The following LPP variants were observed in gnomAD, a reference collection of about 807,000 sequenced individuals.
LPP encodes the protein lipoma-preferred partner.
Under a neutral mutation model 60.4 loss-of-function variants are expected in LPP, and 38 were observed. The ratio of observed to expected loss-of-function variants is 0.63; its 90% CI spans 0.49 to 0.83. The LOEUF (loss-of-function observed/expected upper bound fraction) is 0.83. Among genes scored for constraint, LPP ranks in the 40% least tolerant of loss-of-function variants. The probability of loss-of-function intolerance (pLI) is 0.00; values close to 1 mark genes in which losing one functional copy is unlikely to be tolerated. For missense variants in LPP, 902 were observed against 783.6 expected (o/e 1.15, Z -1.80); for synonymous variants, 328 against 290.8 (o/e 1.13, Z -1.30).
At chr3:188,824,530 C>T (rs73888922) in intron 9 of LPP, among the ~76,000 whole-genome samples, 2,856 of 152,190 alleles carry the variant, frequency 0.019, 84 homozygotes, top group African/African-American at 0.064. Flanking sequence ...ATGACAGCTC[C>T]GTGTAGGGCA....
intron 3 of LPP, among the ~76,000 whole-genome samples, chr3:188,342,445 C>T (rs376830365): frequency 1.4e-4 from 22 of 152,234 alleles, no homozygotes; most frequent in Admixed American, 2.0e-4. Context: ...TTACCAGATG[C>T]GATTTTTCTC....
intron 8 of LPP, among the ~76,000 whole-genome samples, chr3:188,737,407 C>T (rs1412277610): frequency 6.6e-6 from 1 of 152,154 alleles, no homozygotes; most frequent in Non-Finnish European, 1.5e-5. Flanking sequence ...TCCTAGTGTA[C>T]CCATGGGCCT....
In LPP at chr3:188,331,976, A is replaced by G. The variant is rs1760211023; in HGVS notation, c.-66-9687A>G. ...AAATATATTATGTTTAGCTTGATCA[A>G]TTATTTCATCTTTTATCTATCCAAC... On this transcript the variant is annotated intron_variant, in intron 2 of 11. Coordinates refer to ENST00000617246, the MANE Select transcript of LPP (RefSeq NM_001375462.1). 2.6e-5 allele frequency among the ~76,000 whole-genome samples: 4 copies of G among 152,188 alleles called. No homozygotes were observed. In the South Asian group the frequency reaches 8.3e-4, roughly 32 times the overall value.
rs1372528441 is a variant in LPP, at chr3:188,757,909, T to TTTTTTTC, written c.1241-2204_1241-2203insTTTTTTC. 7.7e-4 allele frequency among the ~76,000 whole-genome samples: 114 copies of TTTTTTTC among 147,840 alleles called. 2 individuals are homozygous for TTTTTTTC. Among genetic ancestry groups the TTTTTTTC allele is most frequent in the South Asian group, 1.5e-3 (7 of 4,680 alleles). ...TTTTGGTTTTTTTTTTTTTTTTTTT[T>TTTTTTTC]CAGAATAATTTCAAAAATAGTGCCA... On this transcript the variant is annotated intron_variant, in intron 8 of 11. Coordinates refer to ENST00000617246, the MANE Select transcript of LPP (RefSeq NM_001375462.1).
At chr3:188,371,639 ATATTTTTTTTTTTT>A (rs1488345944) in intron 3 of LPP, among the ~76,000 whole-genome samples, 4 of 27,658 alleles carry the variant, frequency 1.4e-4, no homozygotes, top group Non-Finnish European at 3.2e-4. Context: ...ATATATATAT[ATATTTTTTTTTTTT>A]TTTTTTTTTT....
chr3:188,863,049 T>C (rs9815705), intron 9 of LPP, among the ~76,000 whole-genome samples: 47,037 of 151,850 alleles, frequency 0.31, 8,800 homozygotes, highest in East Asian at 0.84. Context: ...TCAGTGGAGG[T>C]GCATAGTAAA....
At chr3:188,334,633 A>G (rs538181226) in intron 2 of LPP, among the ~76,000 whole-genome samples, 33 of 151,916 alleles carry the variant, frequency 2.2e-4, no homozygotes, top group African/African-American at 7.5e-4. Flanking sequence ...GTTTCATCAT[A>G]TTGGCCAGGA....
At chr3:188,265,660 A>G (rs1341924811) in intron 2 of LPP, among the ~76,000 whole-genome samples, 3 of 152,166 alleles carry the variant, frequency 2.0e-5, no homozygotes, top group African/African-American at 4.8e-5. Context: ...TAAGAAAGAA[A>G]GAGCTGAGTC....
intron 6 of LPP, among the ~76,000 whole-genome samples, chr3:188,590,528 C>T (rs1242491447): frequency 6.6e-6 from 1 of 152,032 alleles, no homozygotes; most frequent in Non-Finnish European, 1.5e-5. Context: ...GAGCTGAGAT[C>T]GCGTCACTGC....
At position 188,876,807 on chromosome 3, in the gene LPP, AT is replaced by A. The variant is rs1769303369; in HGVS notation, c.*2330del. On this transcript the variant is annotated 3_prime_UTR_variant, in exon 12 of 12. Coordinates refer to ENST00000617246, the MANE Select transcript of LPP (RefSeq NM_001375462.1). ...AAATGCAGTAACATTCTACTTGCTT[AT>A]TACATTTAAATCCTTGTGTAACTGA... 5.4e-6 allele frequency: 1 copy of A among 183,968 alleles called. No individual in the cohort carries two copies. Among genetic ancestry groups the A allele is most frequent in the African/African-American group, 2.3e-5 (1 of 42,590 alleles). 11.4% of individuals were successfully genotyped at this position (183,968 alleles called of 1,614,324 possible).
chr3:188,322,699 C>T (rs1353661357), intron 2 of LPP, among the ~76,000 whole-genome samples: 1 of 152,144 alleles, frequency 6.6e-6, no homozygotes, highest in African/African-American at 2.4e-5. Flanking sequence ...AAGTATTGGC[C>T]TTGGAGTCAG....
chr3:188,166,971 C>T lies in LPP; in HGVS notation c.-190+12719C>T, dbSNP rs993226757. On this transcript the variant is annotated intron_variant, in intron 1 of 11. Coordinates refer to ENST00000617246, the MANE Select transcript of LPP (RefSeq NM_001375462.1). Reference sequence around the variant, plus strand: ...CTTATAGAGGTTACAGTTTTTGTGTCTTGCATTACGTGGTTATCGCTGAGG... The same window carrying T: ...CTTATAGAGGTTACAGTTTTTGTGTTTTGCATTACGTGGTTATCGCTGAGG... Among the ~76,000 whole-genome samples the T allele has an allele frequency of 3.0e-4, 45 of 152,138 alleles. 1 individual carries two copies. Among genetic ancestry groups the T allele is most frequent in the Admixed American group, 2.7e-3 (41 of 15,270 alleles).
At chr3:188,661,669 T>C (rs952414142) in intron 7 of LPP, among the ~76,000 whole-genome samples, 3 of 152,208 alleles carry the variant, frequency 2.0e-5, no homozygotes, top group African/African-American at 7.2e-5. Context: ...TTTGGATATT[T>C]TCAATAATAA....
intron 4 of LPP, among the ~76,000 whole-genome samples, chr3:188,414,167 AATTT>A (rs1785565674): frequency 1.3e-5 from 2 of 152,086 alleles, no homozygotes; most frequent in African/African-American, 4.8e-5. Context: ...TGTGAAATAA[AATTT>A]ATTTAATAAA....
intron 1 of LPP, among the ~76,000 whole-genome samples, chr3:188,224,528 C>A (rs1717000866): frequency 6.6e-6 from 1 of 151,986 alleles, no homozygotes; most frequent in Non-Finnish European, 1.5e-5. Flanking sequence ...TCTAGCATTG[C>A]CATAAAGAAA....
chr3:188,509,659 T>C (rs1167131749), intron 5 of LPP, among the ~76,000 whole-genome samples: 1 of 34,336 alleles, frequency 2.9e-5, no homozygotes, highest in Non-Finnish European at 6.8e-5. Context: ...CCTTCCTTCC[T>C]TCCTTCCTTC....
At chr3:188,702,159 T>C (rs1864583628) in intron 7 of LPP, among the ~76,000 whole-genome samples, 1 of 151,944 alleles carries the variant, frequency 6.6e-6, no homozygotes, top group African/African-American at 2.4e-5. Context: ...GATTTCACCA[T>C]GTTAGCTAGG....
At chr3:188,485,415 T>C (rs985935748) in intron 5 of LPP, among the ~76,000 whole-genome samples, 5 of 152,108 alleles carry the variant, frequency 3.3e-5, no homozygotes, top group Non-Finnish European at 7.3e-5. Context: ...ATTGTTATAG[T>C]TTTAGGTGTG....
chr3:188,157,304 T>A (rs1274871639), intron 1 of LPP, among the ~76,000 whole-genome samples: 2 of 152,138 alleles, frequency 1.3e-5, no homozygotes, highest in Non-Finnish European at 2.9e-5. Context: ...ATTAGGGATG[T>A]GTTCAAAATT....
Sources: gnomAD v4.1 joint callset for allele counts (sites outside exome capture counted in the v4.1 genomes callset) on GRCh38, gnomAD v4.1.1 for gene constraint, MANE v1.5 for transcripts, NCBI Gene and HGNC (gene_info 2026-07-23, HGNC 2026-07-21) for gene names.